NDFIP2: variants seen among roughly 807,000 people sequenced by gnomAD.
The protein encoded by NDFIP2 is Nedd4 family interacting protein 2.
In NDFIP2, 19 loss-of-function variants were observed where a neutral mutation model predicts 36.0. The ratio of observed to expected loss-of-function variants is 0.53; its 90% CI spans 0.37 to 0.77. The LOEUF (loss-of-function observed/expected upper bound fraction) is 0.77. Ranked by LOEUF, NDFIP2 falls within the 30% of genes least tolerant of loss-of-function variation. The probability of loss-of-function intolerance (pLI) is 0.00; values close to 1 mark genes in which losing one functional copy is unlikely to be tolerated. For missense variants in NDFIP2, 446 were observed against 435.8 expected, an observed-to-expected ratio of 1.02 and a Z score of -0.21; for synonymous variants, 181 against 167.7, an observed-to-expected ratio of 1.08 and a Z score of -0.61.
Position 79,551,120 on chromosome 13 carries a change from G to A in NDFIP2, c.1011G>A (p.Ter337=). 1.3e-6 allele frequency: 2 copies of A among 1,575,164 alleles called. No homozygotes were observed. The highest frequency in any genetic ancestry group is 1.7e-6 in the Non-Finnish European group (2 of 1,154,028). The change falls in exon 7 of 8, where the codon TAG becomes TAA. Residue 337 remains the stop codon, a splice_region_variant and stop_retained_variant. Transcript: ENST00000218652. ...AHRTRYFFLL[*] ...GAACAAGGTATTTCTTCTTATTGTA[G>A]AGGTAAGAAATATTAATCTGTGAAC...
intron 2 of NDFIP2, among the ~76,000 whole-genome samples, chr13:79,521,884 G>A (rs1874598265): frequency 6.6e-6 from 1 of 150,384 alleles, no homozygotes; most frequent in Admixed American, 6.6e-5. Flanking sequence ...GTGTGCAGTG[G>A]CCCAATCTCG....
intron 2 of NDFIP2, among the ~76,000 whole-genome samples, chr13:79,522,995 C>T (rs922494338): frequency 4.6e-5 from 7 of 152,168 alleles, no homozygotes; most frequent in African/African-American, 1.4e-4. Context: ...TACCCTTCCC[C>T]GTAGCACCAA....
At chr13:79,520,217 A>G (rs1003353382) in intron 1 of NDFIP2, among the ~76,000 whole-genome samples, 2 of 152,212 alleles carry the variant, frequency 1.3e-5, no homozygotes, top group African/African-American at 4.8e-5. Context: ...TGATTATTCT[A>G]GATTCACACA....
In NDFIP2 at chr13:79,552,974, A is replaced by G. The variant is rs1037652672; in HGVS notation, c.*461A>G. 4.0e-5 allele frequency: 6 copies of G among 151,854 alleles called. No individual in the cohort carries two copies. In the Admixed American group the frequency reaches 4.0e-4, roughly 10 times the overall value. The allele number at this position is 151,854 out of a possible 1,614,324, so 9.4% of individuals were successfully genotyped here. ...GACTCATCTGGCAGTTCTACACATGAAACATCTTTTGTTATATAAGGTGTA... is the reference window on the plus strand; with the variant it reads ...GACTCATCTGGCAGTTCTACACATGGAACATCTTTTGTTATATAAGGTGTA... On this transcript the variant is annotated 3_prime_UTR_variant, in exon 8 of 8. Transcript: ENST00000218652.
At chr13:79,513,746 T>G (rs1230892223) in intron 1 of NDFIP2, among the ~76,000 whole-genome samples, 5 of 151,842 alleles carry the variant, frequency 3.3e-5, no homozygotes, top group African/African-American at 4.8e-5. Flanking sequence ...GATTAGGAGA[T>G]CAGCAAGCTA....
At chr13:79,530,077 T>G (rs1354756320) in intron 2 of NDFIP2, among the ~76,000 whole-genome samples, 2 of 152,220 alleles carry the variant, frequency 1.3e-5, no homozygotes, top group African/African-American at 4.8e-5. Flanking sequence ...TGGTGGAAGA[T>G]CTTGCCTCAG....
chr13:79,505,312 G>C (rs966870611), intron 1 of NDFIP2, among the ~76,000 whole-genome samples: 1 of 152,180 alleles, frequency 6.6e-6, no homozygotes, highest in Non-Finnish European at 1.5e-5. Flanking sequence ...ATGTGGGTGT[G>C]TTATCCTTAC....
intron 1 of NDFIP2, among the ~76,000 whole-genome samples, chr13:79,504,662 A>C (rs1320243486): frequency 6.6e-6 from 1 of 151,590 alleles, no homozygotes; most frequent in Non-Finnish European, 1.5e-5. Context: ...TCATTACATT[A>C]ATGTTTTAGA....
intron 3 of NDFIP2, among the ~76,000 whole-genome samples, chr13:79,534,591 G>A (rs1351311993): frequency 6.6e-6 from 1 of 152,096 alleles, no homozygotes; most frequent in East Asian, 1.9e-4. Context: ...TAGTGTGGCT[G>A]CAAGGAGGGC....
At position 79,543,879 on chromosome 13, in the gene NDFIP2, T is replaced by C. The variant is rs192371144; in HGVS notation, c.840+197T>C. Among the ~76,000 whole-genome samples, 6 of 152,326 alleles carry C rather than the reference T, an allele frequency of 3.9e-5. No homozygotes were observed. The East Asian group carries it at 1.2e-3, about 29-fold the overall frequency. On this transcript the variant is annotated intron_variant, in intron 5 of 7. Coordinates refer to ENST00000218652, the MANE Select transcript of NDFIP2 (RefSeq NM_019080.3). Reference sequence around the variant, plus strand: ...ACTTTATCATATGAGAAGTTGTTAATATAGTGGAAAGAACTTTGAAATAAT... The same window carrying C: ...ACTTTATCATATGAGAAGTTGTTAACATAGTGGAAAGAACTTTGAAATAAT...
At chr13:79,503,140 C>T (rs1165778744) in intron 1 of NDFIP2, among the ~76,000 whole-genome samples, 1 of 152,072 alleles carries the variant, frequency 6.6e-6, no homozygotes, top group African/African-American at 2.4e-5. Context: ...GCTTATTTTC[C>T]TCCATGAAGT....
At chr13:79,499,174 A>G (rs1310081618) in intron 1 of NDFIP2, among the ~76,000 whole-genome samples, 1 of 152,002 alleles carries the variant, frequency 6.6e-6, no homozygotes, top group Non-Finnish European at 1.5e-5. Flanking sequence ...ACAGGTTCAG[A>G]AAAAGCATTA....
At position 79,550,928 on chromosome 13, in the gene NDFIP2, G is replaced by A. The variant is rs796709733; in HGVS notation, c.908-89G>A. On this transcript the variant is annotated intron_variant, in intron 6 of 7. Transcript: ENST00000218652. The stretch of plus-strand genomic sequence containing the variant: ...GCAAGTAAAATTCCTTAAGCCAAGA[G>A]GATCTTGTTTATAATTGTCTACTTT... 8.5e-5 allele frequency: 59 copies of A among 690,388 alleles called. No homozygotes were observed. The African/African-American group carries it at 9.7e-4, about 11-fold the overall frequency. 42.8% of individuals were successfully genotyped at this position (690,388 alleles called of 1,614,324 possible). A position where few individuals can be genotyped will look rare whatever the true frequency, so the allele number is the denominator to read the frequency against.
chr13:79,529,826 A>G (rs1408476080), intron 2 of NDFIP2, among the ~76,000 whole-genome samples: 1 of 152,240 alleles, frequency 6.6e-6, no homozygotes, highest in Non-Finnish European at 1.5e-5. Flanking sequence ...GTAAAAAAAT[A>G]AACGCATACT....
At chr13:79,488,226 T>C (rs1428720994) in intron 1 of NDFIP2, among the ~76,000 whole-genome samples, 1 of 152,214 alleles carries the variant, frequency 6.6e-6, no homozygotes, top group Non-Finnish European at 1.5e-5. Flanking sequence ...AAATGTGTTA[T>C]ATACCAAGTT....
chr13:79,493,426 G>T (rs1873319196), intron 1 of NDFIP2, among the ~76,000 whole-genome samples: 1 of 152,096 alleles, frequency 6.6e-6, no homozygotes, highest in Admixed American at 6.5e-5. Flanking sequence ...TGGTATTTTT[G>T]AATAATTCCT....
intron 4 of NDFIP2, among the ~76,000 whole-genome samples, chr13:79,541,891 G>A (rs1237336968): frequency 6.6e-6 from 1 of 152,058 alleles, no homozygotes; most frequent in East Asian, 1.9e-4. Context: ...CCTAAAAAAA[G>A]TTTACACTTA....
intron 1 of NDFIP2, among the ~76,000 whole-genome samples, chr13:79,488,804 A>G (rs1257765440): frequency 6.6e-6 from 1 of 152,204 alleles, no homozygotes; most frequent in Non-Finnish European, 1.5e-5. Flanking sequence ...GTCAGATAGT[A>G]ATAAATTCTT....
chr13:79,489,242 A>G (rs1873131986), intron 1 of NDFIP2, among the ~76,000 whole-genome samples: 2 of 152,128 alleles, frequency 1.3e-5, no homozygotes, highest in Admixed American at 6.5e-5. Context: ...TGGCTCACTC[A>G]CTTGGCTGCA....
Sources: allele counts gnomAD v4.1 joint callset (sites outside exome capture counted in the v4.1 genomes callset), GRCh38; gene constraint gnomAD v4.1.1; transcripts MANE v1.5; gene names NCBI Gene and HGNC (gene_info 2026-07-23, HGNC 2026-07-21).